ATAD2B: variants seen among roughly 807,000 people sequenced by gnomAD.
The protein encoded by ATAD2B is ATPase family AAA domain-containing protein 2B.
In ATAD2B, 40 loss-of-function variants were observed where a neutral mutation model predicts 167.6. The ratio of observed to expected loss-of-function variants is 0.24; its 90% CI spans 0.19 to 0.31. The LOEUF (loss-of-function observed/expected upper bound fraction) is 0.31. Ranked by LOEUF, ATAD2B falls within the 10% of genes least tolerant of loss-of-function variation. The pLI, the probability that ATAD2B is intolerant of heterozygous loss-of-function variation, is 1.00. For synonymous variants in ATAD2B, 579 were observed against 596.5 expected, an observed-to-expected ratio of 0.97 and a Z score of 0.43; for missense variants, 1,242 against 1,757.2, an observed-to-expected ratio of 0.71 and a Z score of 5.24.
chr2:23,701,557 C>CA, the ATAD2B span, among the ~76,000 whole-genome samples: 1 of 151,994 alleles, frequency 6.6e-6, no homozygotes, highest in African/African-American at 2.4e-5. Context: ...TACGACAAAT[C>CA]AAAAAATTAG....
intron 22 of ATAD2B, among the ~76,000 whole-genome samples, chr2:23,766,102 T>A (rs1402417663): frequency 6.6e-6 from 1 of 152,138 alleles, no homozygotes; most frequent in East Asian, 1.9e-4. Flanking sequence ...TATTTTTTTT[T>A]AAATGTGACA....
chr2:23,858,734 C>T (rs1053552387), intron 12 of ATAD2B, among the ~76,000 whole-genome samples: 10 of 152,096 alleles, frequency 6.6e-5, no homozygotes, highest in Non-Finnish European at 1.0e-4. Context: ...CCTTCCACCT[C>T]GGCCTGCCAA....
intron 17 of ATAD2B, among the ~76,000 whole-genome samples, chr2:23,819,157 T>TAG (rs1687051621): frequency 3.3e-5 from 5 of 152,100 alleles, no homozygotes; most frequent in African/African-American, 1.2e-4. Flanking sequence ...AAGGGTAAGC[T>TAG]TTCCTCTGCC....
chr2:23,824,991 C>G (rs1314090100), intron 15 of ATAD2B, among the ~76,000 whole-genome samples: 1 of 152,074 alleles, frequency 6.6e-6, no homozygotes, highest in African/African-American at 2.4e-5. Context: ...GTTGCCCAGG[C>G]TGAAGTGCAG....
chr2:23,690,813 G>T, the ATAD2B span: 3 of 152,402 alleles, frequency 2.0e-5, no homozygotes, highest in African/African-American at 7.2e-5. Context: ...AGGAGCCTTT[G>T]CAATGGTTTT....
chr2:23,923,859 G>T (rs989108490), intron 1 of ATAD2B, among the ~76,000 whole-genome samples: 1 of 152,144 alleles, frequency 6.6e-6, no homozygotes. Context: ...GGAAAAGGGG[G>T]AAAAATAGGC....
chr2:23,769,711 G>GATTTTTTTTTTTTT (rs199842019), intron 22 of ATAD2B, among the ~76,000 whole-genome samples: 1 of 129,834 alleles, frequency 7.7e-6, no homozygotes, highest in Non-Finnish European at 1.7e-5. Context: ...TCTCACTGTG[G>GATTTTTTTTTTTTT]GTTTTTTTTT....
intron 11 of ATAD2B, among the ~76,000 whole-genome samples, chr2:23,863,784 A>G (rs988370920): frequency 4.2e-4 from 64 of 152,358 alleles, no homozygotes; most frequent in South Asian, 1.4e-3. Flanking sequence ...CAAGATATAT[A>G]GAAATTTTAA....
At chr2:23,684,170 T>C in the ATAD2B span, among the ~76,000 whole-genome samples, 3 of 152,214 alleles carry the variant, frequency 2.0e-5, no homozygotes, top group African/African-American at 4.8e-5. The surrounding 1 kb of genome is among the most constrained non-coding windows in gnomAD (Gnocchi z 4.4). Context: ...TTTTTTTGCT[T>C]TTTAAAGTTG....
At chr2:23,864,542 A>C (rs1423490254) in intron 11 of ATAD2B, among the ~76,000 whole-genome samples, 3 of 152,024 alleles carry the variant, frequency 2.0e-5, no homozygotes, top group Non-Finnish European at 4.4e-5. Flanking sequence ...ATTCAGAAAA[A>C]CCCATCTGGA....
At chr2:23,899,018 C>T (rs992837673) in intron 1 of ATAD2B, among the ~76,000 whole-genome samples, 2 of 152,090 alleles carry the variant, frequency 1.3e-5, no homozygotes, top group Non-Finnish European at 2.9e-5. Flanking sequence ...CATGGTGGCC[C>T]ATGCTTGTAA....
chr2:23,712,830 G>GC, the ATAD2B span, among the ~76,000 whole-genome samples: 1 of 152,192 alleles, frequency 6.6e-6, no homozygotes, highest in African/African-American at 2.4e-5. Context: ...TGCCATGCAT[G>GC]CACTCTGCTG....
At chr2:23,797,329 G>A (rs974594887) in intron 19 of ATAD2B, among the ~76,000 whole-genome samples, 10 of 152,030 alleles carry the variant, frequency 6.6e-5, no homozygotes, top group Admixed American at 6.6e-4. Flanking sequence ...TTTCACTCAA[G>A]TAAGATGATC....
At chr2:23,777,773 A>G (rs992004917) in intron 22 of ATAD2B, among the ~76,000 whole-genome samples, 1 of 152,150 alleles carries the variant, frequency 6.6e-6, no homozygotes, top group African/African-American at 2.4e-5. Flanking sequence ...ATAATATATC[A>G]TGTATCTATA....
chr2:23,798,326 A>G lies in ATAD2B; in HGVS notation c.2455-3T>C. ...GTTCTTCGAGCTTCACGAAAAATCT[A>G]ATTAAGGAAAAAAACCAACATTAAA... is the stretch of plus-strand genomic sequence containing the variant. On this transcript the variant is annotated splice_polypyrimidine_tract_variant and splice_region_variant and intron_variant, in intron 18 of 27. Transcript: ENST00000238789. 6.4e-7 allele frequency: 1 copy of G among 1,570,686 alleles called. No homozygotes were observed. Among genetic ancestry groups the G allele is most frequent in the South Asian group, 1.2e-5 (1 of 85,288 alleles).
chr2:23,740,760 T>C, the ATAD2B span, among the ~76,000 whole-genome samples: 1 of 152,200 alleles, frequency 6.6e-6, no homozygotes, highest in Admixed American at 6.5e-5. Context: ...GGAAGTCAAA[T>C]TGTCCCTGCT....
At chr2:23,704,698 C>T in the ATAD2B span, among the ~76,000 whole-genome samples, 13 of 152,208 alleles carry the variant, frequency 8.5e-5, no homozygotes, top group African/African-American at 2.4e-4. Flanking sequence ...ACCCGGGAGG[C>T]GGAGGTTGCA....
chr2:23,686,931 T>G, the ATAD2B span, among the ~76,000 whole-genome samples: 1 of 152,108 alleles, frequency 6.6e-6, no homozygotes, highest in African/African-American at 2.4e-5. Context: ...AAGTGCCTTC[T>G]TGGGAGGAAA....
At chr2:23,713,828 CCATT>C in the ATAD2B span, among the ~76,000 whole-genome samples, 6 of 152,152 alleles carry the variant, frequency 3.9e-5, no homozygotes, top group African/African-American at 1.4e-4. Context: ...TTTTGTTTAT[CCATT>C]CATTAGTTAT....
Sources: allele counts gnomAD v4.1 joint callset (sites outside exome capture counted in the v4.1 genomes callset), GRCh38; gene constraint gnomAD v4.1.1; non-coding constraint Gnocchi (gnomAD v3.1); transcripts MANE v1.5; gene names NCBI Gene and HGNC (gene_info 2026-07-23, HGNC 2026-07-21).